Variants in LRMDA observed in about 807,000 individuals in gnomAD.
LRMDA encodes the protein leucine rich melanocyte differentiation associated.
A neutral mutation model predicts 29.8 loss-of-function variants in LRMDA; 18 were observed. That is an observed-to-expected ratio of 0.60 (90% CI 0.42 to 0.90). LRMDA has a LOEUF of 0.90. Ranked by LOEUF, LRMDA falls within the 40% of genes least tolerant of loss-of-function variation. The pLI is 0.00. For synonymous variants in LRMDA, 125 were observed against 109.4 expected, an observed-to-expected ratio of 1.14 and a Z score of -0.89; for missense variants, 273 against 273.9, an observed-to-expected ratio of 1.00 and a Z score of 0.02.
intron 6 of LRMDA, among the ~76,000 whole-genome samples, chr10:76,345,058 AC>A (rs1841086725): frequency 7.3e-6 from 1 of 136,372 alleles, no homozygotes; most frequent in Non-Finnish European, 1.5e-5. Context: ...GGAACACAAA[AC>A]CTTTTTTTTT....
At chr10:75,512,983 A>G (rs1473816364) in intron 2 of LRMDA, among the ~76,000 whole-genome samples, 1 of 152,118 alleles carries the variant, frequency 6.6e-6, no homozygotes, top group Non-Finnish European at 1.5e-5. Context: ...TATGTGAAAA[A>G]GGGGGTTTTC....
intron 2 of LRMDA, among the ~76,000 whole-genome samples, chr10:75,936,759 A>G (rs962341565): frequency 2.6e-5 from 4 of 152,164 alleles, no homozygotes; most frequent in African/African-American, 9.6e-5. Flanking sequence ...TTATAAGGGC[A>G]CTAATCCCAT....
At chr10:75,576,450 C>T (rs1429960843) in intron 2 of LRMDA, among the ~76,000 whole-genome samples, 9 of 152,228 alleles carry the variant, frequency 5.9e-5, no homozygotes, top group Non-Finnish European at 1.2e-4. Flanking sequence ...GCAGCTTCAG[C>T]AGACTTAAAT....
chr10:75,924,804 G>T (rs781645756), intron 2 of LRMDA, among the ~76,000 whole-genome samples: 1 of 152,096 alleles, frequency 6.6e-6, no homozygotes, highest in Non-Finnish European at 1.5e-5. Flanking sequence ...GGTGGGGGAG[G>T]CTTCGTATGT....
intron 2 of LRMDA, among the ~76,000 whole-genome samples, chr10:75,696,190 A>G (rs1222814282): frequency 6.6e-6 from 1 of 152,254 alleles, no homozygotes; most frequent in Non-Finnish European, 1.5e-5. Flanking sequence ...CTGCAGTAAC[A>G]ACCCCCAAAT....
At chr10:75,839,136 GCGA>G (rs1191338980) in intron 2 of LRMDA, among the ~76,000 whole-genome samples, 55 of 152,234 alleles carry the variant, frequency 3.6e-4, no homozygotes, top group Admixed American at 3.6e-3. Context: ...AGCAGAAAGA[GCGA>G]AACAGGCCAG....
chr10:75,559,808 G>A (rs1840267604), intron 2 of LRMDA, among the ~76,000 whole-genome samples: 1 of 84,906 alleles, frequency 1.2e-5, no homozygotes, highest in African/African-American at 2.8e-5. Context: ...CCCATTTCTT[G>A]TTTTTGTCAG....
chr10:76,142,628 A>G (rs558110069), intron 5 of LRMDA, among the ~76,000 whole-genome samples: 34 of 151,918 alleles, frequency 2.2e-4, no homozygotes, highest in Middle Eastern at 3.4e-3. Context: ...ATAATATTCC[A>G]TCATATTCAA....
chr10:76,077,014 G>A (rs895505789), intron 5 of LRMDA, among the ~76,000 whole-genome samples: 5 of 152,084 alleles, frequency 3.3e-5, no homozygotes, highest in South Asian at 4.2e-4. Context: ...ACATGGCCTC[G>A]AAACAATGTT....
In LRMDA at chr10:75,851,727, C is replaced by CTT. The variant is rs560763220; in HGVS notation, c.132-184279_132-184278dup. 3.4e-4 allele frequency among the ~76,000 whole-genome samples: 52 copies of CTT among 152,318 alleles called. No homozygotes were observed. In the East Asian group the frequency reaches 7.9e-3, roughly 23 times the overall value. On this transcript the variant is annotated intron_variant, in intron 2 of 6. Transcript: ENST00000611255. ...GCCATCATAAATCAAATGAAATCCA[C>CTT]TTTCTCTGGAAGTCACTGAAATTAG...
At chr10:76,347,632 T>G (rs1237223974) in intron 6 of LRMDA, among the ~76,000 whole-genome samples, 1 of 152,094 alleles carries the variant, frequency 6.6e-6, no homozygotes, top group African/African-American at 2.4e-5. Context: ...AATCACCGAG[T>G]GCAGCACTGG....
chr10:76,181,627 G>C (rs77635274), intron 5 of LRMDA, among the ~76,000 whole-genome samples: 2,079 of 152,304 alleles, frequency 0.014, 48 homozygotes, highest in African/African-American at 0.046. Context: ...CAGGACTTGA[G>C]ATCAGGCTAG....
At chr10:76,293,272 T>C (rs1379790242) in intron 5 of LRMDA, among the ~76,000 whole-genome samples, 1 of 152,206 alleles carries the variant, frequency 6.6e-6, no homozygotes, top group Non-Finnish European at 1.5e-5. Flanking sequence ...TGACCCACCA[T>C]GCCCAGCCTA....
intron 5 of LRMDA, among the ~76,000 whole-genome samples, chr10:76,257,344 T>C (rs1353701368): frequency 6.6e-6 from 1 of 151,382 alleles, no homozygotes; most frequent in Non-Finnish European, 1.5e-5. Context: ...TTCTTTTTTT[T>C]TTTTTTGAGA....
intron 2 of LRMDA, among the ~76,000 whole-genome samples, chr10:75,881,885 C>T (rs187341333): frequency 8.5e-5 from 13 of 152,366 alleles, no homozygotes; most frequent in Admixed American, 6.5e-4. Flanking sequence ...AGAACCTAGA[C>T]AACTTGCAGT....
intron 2 of LRMDA, among the ~76,000 whole-genome samples, chr10:75,808,216 T>C (rs1460800792): frequency 6.6e-6 from 1 of 152,168 alleles, no homozygotes; most frequent in Non-Finnish European, 1.5e-5. Flanking sequence ...GGGAAATGTC[T>C]TTCTGGGACA....
rs117572987 is a variant in LRMDA at position 76,394,320 on chromosome 10, T to C, written c.601+69835T>C. ...AGAGGGCATAAGGTAATCAAGTACG[T>C]GGGAGGTAAGAGTCCAAATGTTCTG... On this transcript the variant is annotated intron_variant, in intron 6 of 6. Coordinates refer to ENST00000611255, the MANE Select transcript of LRMDA (RefSeq NM_001305581.2). Among the ~76,000 whole-genome samples the C allele has an allele frequency of 9.2e-3, 1,401 of 152,268 alleles. 13 individuals are homozygous for C. The highest frequency in any genetic ancestry group is 0.02 in the South Asian group (98 of 4,824).
chr10:75,545,698 A>G (rs1018262627), intron 2 of LRMDA, among the ~76,000 whole-genome samples: 3 of 152,202 alleles, frequency 2.0e-5, no homozygotes, highest in Non-Finnish European at 4.4e-5. Context: ...ATAGCTGGTA[A>G]GAGTCAAAGT....
chr10:75,930,344 C>T (rs988902408), intron 2 of LRMDA, among the ~76,000 whole-genome samples: 3 of 152,146 alleles, frequency 2.0e-5, no homozygotes, highest in Admixed American at 6.5e-5. Flanking sequence ...GGGAATTTCT[C>T]GGTGTCTTAG....
Sources: allele counts gnomAD v4.1 joint callset (sites outside exome capture counted in the v4.1 genomes callset), GRCh38; gene constraint gnomAD v4.1.1; transcripts MANE v1.5; gene names NCBI Gene and HGNC (gene_info 2026-07-23, HGNC 2026-07-21).